Variants in CD96 observed in about 807,000 individuals in gnomAD.
The protein encoded by CD96 is CD96 molecule.
Under a neutral mutation model 71.3 loss-of-function variants are expected in CD96, and 70 were observed. The observed-to-expected ratio is 0.98, with a 90% CI of 0.81 to 1.20. The LOEUF (loss-of-function observed/expected upper bound fraction) is 1.20, where lower values mean the gene tolerates loss of function less well. CD96 is among the 50% of genes most tolerant of loss of function. The probability of loss-of-function intolerance (pLI) is 0.00; values close to 1 mark genes in which losing one functional copy is unlikely to be tolerated. For missense variants in CD96, 742 were observed against 677.5 expected, an observed-to-expected ratio of 1.10 and a Z score of -1.06; for synonymous variants, 248 against 233.0, an observed-to-expected ratio of 1.06 and a Z score of -0.59.
intron 2 of CD96, among the ~76,000 whole-genome samples, chr3:111,552,517 A>G (rs1385591956): frequency 2.0e-5 from 3 of 152,214 alleles, no homozygotes; most frequent in African/African-American, 7.2e-5. Context: ...ATCACAAAAC[A>G]GACTGAAATA....
In CD96 at chr3:111,545,190, C is replaced by T. The variant is rs1395580781; in HGVS notation, c.206C>T (p.Ala69Val). 1.2e-6 allele frequency: 2 copies of T among 1,614,020 alleles called. No individual in the cohort carries two copies. The highest frequency in any genetic ancestry group is 1.7e-5 in the Admixed American group (1 of 60,022). ...GTCACCAATAAGATAGACCTGATTGCTGTCTATCATCCCCAATACGGCTTC... is the reference window on the plus strand; with the variant it reads ...GTCACCAATAAGATAGACCTGATTGTTGTCTATCATCCCCAATACGGCTTC... Reference protein sequence around the residue: ...SKVTNKIDLIAVYHPQYGFYC... With the variant: ...SKVTNKIDLIVVYHPQYGFYC... Residue 69 changes from alanine (A) to valine (V), a missense_variant, in exon 2 of 14, where the codon GCT becomes GTT. By Grantham distance (64) the Ala-to-Val change is moderately conservative. Coordinates refer to ENST00000352690, the MANE Select transcript of CD96 (RefSeq NM_005816.5).
chr3:111,545,089 T>C lies in CD96; in HGVS notation c.105T>C (p.Ala35=). The C allele has an allele frequency of 6.2e-7, 1 of 1,614,194 alleles. No homozygotes were observed. Among genetic ancestry groups the C allele is most frequent in the African/African-American group, 1.3e-5 (1 of 75,060 alleles). Residue 35 remains alanine (A), a synonymous_variant, in exon 2 of 14, where the codon GCT becomes GCC. Transcript: ENST00000352690. ...TCAACACAGAAGAAAATGTTTATGC[T>C]ACACTTGGCTCTGATGTCAACCTGA... is the stretch of plus-strand genomic sequence containing the variant. The part of the protein sequence containing the change: ...KTVNTEENVY[A]TLGSDVNLTC...
At chr3:111,660,638 C>A (rs1235612550) in intron 14 of CD96, among the ~76,000 whole-genome samples, 1 of 152,194 alleles carries the variant, frequency 6.6e-6, no homozygotes, top group East Asian at 1.9e-4. Flanking sequence ...GCTACAGTAA[C>A]CAAAGCAGCT....
chr3:111,545,328 G>T lies in CD96; in HGVS notation c.344G>T (p.Arg115Met), dbSNP rs1261240245. The T allele has an allele frequency of 6.2e-7, 1 of 1,614,064 alleles. No homozygotes were observed. Among genetic ancestry groups the T allele is most frequent in the East Asian group, 2.2e-5 (1 of 44,884 alleles). ...AATATGTCTTGTTCAGTCAGTGGAA[G>T]GTACGAGTGTATGCTTGTTCTGTAT... Reference protein sequence around the residue: ...LRNMSCSVSGRYECMLVLYPE... With the variant: ...LRNMSCSVSGMYECMLVLYPE... Residue 115 changes from arginine to methionine, a missense_variant, in exon 2 of 14, where the codon AGG becomes ATG. By Grantham distance (91) the Arg-to-Met change is moderately conservative. Transcript: ENST00000352690.
intron 4 of CD96, among the ~76,000 whole-genome samples, chr3:111,583,168 T>C (rs1344544667): frequency 1.3e-5 from 2 of 152,206 alleles, no homozygotes; most frequent in African/African-American, 2.4e-5. Context: ...GCAGGCCCCA[T>C]GCAAGTCCAA....
intron 5 of CD96, among the ~76,000 whole-genome samples, chr3:111,589,969 G>T (rs537322986): frequency 3.3e-5 from 5 of 152,244 alleles, no homozygotes; most frequent in East Asian, 1.9e-4. Context: ...TCTTAGGAAG[G>T]TTAAATTTAT....
chr3:111,569,567 C>T (rs1935878646), intron 3 of CD96, among the ~76,000 whole-genome samples: 1 of 152,186 alleles, frequency 6.6e-6, no homozygotes, highest in Admixed American at 6.5e-5. Flanking sequence ...ATATTTTCCA[C>T]CAACAGAGCA....
intron 12 of CD96, among the ~76,000 whole-genome samples, chr3:111,646,872 A>G (rs1180259046): frequency 6.6e-6 from 1 of 152,096 alleles, no homozygotes; most frequent in Admixed American, 6.6e-5. Flanking sequence ...ACACCATGGA[A>G]TACTATGAAA....
chr3:111,570,832 G>T, intron 3 of CD96: 1 of 1,612,834 alleles, frequency 6.2e-7, no homozygotes, highest in Non-Finnish European at 8.5e-7. Flanking sequence ...GGGGACCCCA[G>T]GCTTGTGGCT....
chr3:111,560,471 T>A (rs1414098758), intron 2 of CD96, among the ~76,000 whole-genome samples: 1 of 137,348 alleles, frequency 7.3e-6, no homozygotes, highest in African/African-American at 2.8e-5. Context: ...CTTATGAAGC[T>A]TAGTTTGGCT....
chr3:111,664,508 G>C (rs757988985), intron 14 of CD96, among the ~76,000 whole-genome samples: 11 of 152,156 alleles, frequency 7.2e-5, no homozygotes, highest in African/African-American at 2.4e-4. Context: ...TGGACTACTA[G>C]AGCATAAAGG....
intron 2 of CD96, among the ~76,000 whole-genome samples, chr3:111,555,677 A>C (rs1934968717): frequency 6.6e-6 from 1 of 152,292 alleles, no homozygotes. Flanking sequence ...TTTGGCTTCC[A>C]GAAGTTTGAT....
chr3:111,648,149 A>G (rs1048535441), intron 13 of CD96, among the ~76,000 whole-genome samples: 1 of 152,166 alleles, frequency 6.6e-6, no homozygotes, highest in South Asian at 2.1e-4. Flanking sequence ...AGCAGAAAAG[A>G]AAGTAAGCAT....
rs1940118448 is a variant in CD96, at chr3:111,652,292, A to G, written c.*2486A>G. On this transcript the variant is annotated 3_prime_UTR_variant, in exon 14 of 14. Coordinates refer to ENST00000352690, the MANE Select transcript of CD96 (RefSeq NM_005816.5). The stretch of plus-strand genomic sequence containing the variant: ...TTCTCAAGAAACAAATGCTAGCTTC[A>G]TATGTATGGCTGTTGCTTTGCTTCA... 6.6e-6 allele frequency: 1 copy of G among 152,136 alleles called. No homozygotes were observed. The allele number at this position is 152,136 out of a possible 1,614,324, so 9.4% of individuals were successfully genotyped here. A position where few individuals can be genotyped will look rare whatever the true frequency, so the allele number is the denominator to read the frequency against.
intron 9 of CD96, among the ~76,000 whole-genome samples, 167 bp downstream of exon 9, chr3:111,623,989 A>G (rs1938628795): frequency 6.6e-6 from 1 of 152,238 alleles, no homozygotes; most frequent in Non-Finnish European, 1.5e-5. Flanking sequence ...TATTGATATG[A>G]CAATTTCTAT....
In CD96 at chr3:111,606,628, A is replaced by G. The variant is rs565911708; in HGVS notation, c.1088-72A>G. On this transcript the variant is annotated intron_variant, in intron 7 of 13. Transcript: ENST00000352690. ...GAATAAATAAAGGAAAGTGTATTTA[A>G]GAACTAAGTCAATACTTTATCTTTT... 580 of 821,930 alleles carry G rather than the reference A, an allele frequency of 7.1e-4. 8 individuals are homozygous for G. The South Asian group carries it at 7.7e-3, about 11-fold the overall frequency. 50.9% of individuals were successfully genotyped at this position (821,930 alleles called of 1,614,324 possible).
intron 5 of CD96, chr3:111,593,410 C>G (rs930041384): frequency 9.0e-7 from 1 of 1,107,854 alleles, no homozygotes; most frequent in Non-Finnish European, 1.2e-6. Flanking sequence ...CTCAGATTAA[C>G]TCATACTGTG....
chr3:111,660,722 AC>A (rs1281819419), intron 14 of CD96, among the ~76,000 whole-genome samples: 1 of 152,240 alleles, frequency 6.6e-6, no homozygotes, highest in Non-Finnish European at 1.5e-5. Context: ...CCATACATGT[AC>A]AACTATCTGA....
intron 4 of CD96, among the ~76,000 whole-genome samples, chr3:111,584,051 G>A (rs562527570): frequency 6.6e-6 from 1 of 152,270 alleles, no homozygotes; most frequent in Admixed American, 6.5e-5. Context: ...ATAAAACTGA[G>A]TGCCTTTAAC....
Sources: allele counts gnomAD v4.1 joint callset (sites outside exome capture counted in the v4.1 genomes callset), GRCh38; gene constraint gnomAD v4.1.1; transcripts MANE v1.5; gene names NCBI Gene and HGNC (gene_info 2026-07-23, HGNC 2026-07-21).